ARFRP1: variants seen among roughly 807,000 people sequenced by gnomAD.
The protein encoded by ARFRP1 is ARF related protein 1.
Under a neutral mutation model 30.3 loss-of-function variants are expected in ARFRP1, and 19 were observed. The observed-to-expected ratio is 0.63, with a 90% CI of 0.44 to 0.92. ARFRP1 has a LOEUF of 0.92. Ranked by LOEUF, ARFRP1 falls within the 40% of genes least tolerant of loss-of-function variation. The pLI is 0.00. For synonymous variants in ARFRP1, 133 were observed against 114.2 expected (o/e 1.16, Z -1.05); for missense variants, 245 against 267.5 (o/e 0.92, Z 0.59).
chr20:63,702,048 CTG>C, intron 5 of ARFRP1, 86 bp downstream of exon 5: 3 of 1,221,604 alleles, frequency 2.5e-6, no homozygotes, highest in Non-Finnish European at 3.5e-6. Flanking sequence ...TGACCAGACA[CTG>C]AGCCTGCCCC....
chr20:63,704,298 G>A (rs2091351954), intron 4 of ARFRP1: 1 of 152,300 alleles, frequency 6.6e-6, no homozygotes, highest in Non-Finnish European at 1.5e-5. Context: ...CCAGCTCTGA[G>A]CTCAGCAGGG....
chr20:63,702,039 GACCAGACACTGA>G (rs2091239923), intron 5 of ARFRP1, 85 bp downstream of exon 5: 17 of 974,724 alleles, frequency 1.7e-5, no homozygotes, highest in Non-Finnish European at 2.5e-5. Context: ...GAGCACTTCT[GACCAGACACTGA>G]GCCTGCCCCA....
intron 3 of ARFRP1, 23 bp downstream of exon 3, chr20:63,706,628 C>T: frequency 6.3e-7 from 1 of 1,585,842 alleles, no homozygotes; most frequent in Non-Finnish European, 8.7e-7. Flanking sequence ...CCCAAACCCA[C>T]AGCCTGCTAT....
chr20:63,701,971 G>C, intron 5 of ARFRP1, 71 bp from the exon 6 acceptor site: 1 of 1,442,626 alleles, frequency 6.9e-7, no homozygotes, highest in African/African-American at 1.4e-5. Context: ...GCCCACAGGC[G>C]TGGACACTGT....
At chr20:63,700,555 G>A (rs370122442) in intron 7 of ARFRP1, 25 bp from the exon 8 acceptor site, 396 of 1,609,900 alleles carry the variant, frequency 2.5e-4, no homozygotes, top group South Asian at 3.0e-4. Context: ...GGTGTGAGGC[G>A]GGGGGTCTCG....
Position 63,707,213 on chromosome 20 carries a change from G to T in ARFRP1, c.-6-116C>A. 3.5e-6 allele frequency: 3 copies of T among 853,748 alleles called. No homozygotes were observed. In the South Asian group the frequency reaches 4.9e-5, roughly 14 times the overall value. 52.9% of individuals were successfully genotyped at this position (853,748 alleles called of 1,614,324 possible). On this transcript the variant is annotated intron_variant, in intron 1 of 7. Transcript: ENST00000622789. ...GCCGACCGCTCAGGACGAGAGCCTG[G>T]GGGCCATTCCCGACTCCTCGTCCCT...
chr20:63,707,165 T>C (rs2091521253), intron 1 of ARFRP1, 68 bp from the exon 2 acceptor site: 3 of 1,401,512 alleles, frequency 2.1e-6, no homozygotes, highest in Non-Finnish European at 2.9e-6. Context: ...TTCTCCACGG[T>C]GGTCAGTGGC....
Position 63,699,324 on chromosome 20 carries a change from C to T in ARFRP1, c.*1119G>A, listed in dbSNP as rs551615150. ...GCCACCCCCACCCTGACTCATGCCC[C>T]TTCCCAGCAGCTCCTCCCAGGACCC... On this transcript the variant is annotated 3_prime_UTR_variant, in exon 8 of 8. Coordinates refer to ENST00000622789, the MANE Select transcript of ARFRP1 (RefSeq NM_001267547.3). The T allele has an allele frequency of 2.0e-5, 3 of 152,432 alleles. No homozygotes were observed. The highest frequency in any genetic ancestry group is 1.3e-4 in the Admixed American group (2 of 15,310). The allele number at this position is 152,432 out of a possible 1,614,324, so 9.4% of individuals were successfully genotyped here.
At chr20:63,703,771 C>T (rs1258172600) in intron 4 of ARFRP1, 1 of 152,374 alleles carries the variant, frequency 6.6e-6, no homozygotes, top group African/African-American at 2.4e-5. Context: ...CCAGAGCCAC[C>T]CATCACACCT....
In ARFRP1 at chr20:63,701,632, C is replaced by G. The variant is rs1200584838; in HGVS notation, c.417+198G>C. Reference sequence around the variant, plus strand: ...GGGCGCCTGCCCTGAGGTGGGAGAACCTCCAGGGCTGGCAGCAGCAGGTCT... The same window carrying G: ...GGGCGCCTGCCCTGAGGTGGGAGAAGCTCCAGGGCTGGCAGCAGCAGGTCT... On this transcript the variant is annotated intron_variant, in intron 6 of 7. Transcript: ENST00000622789. 5.0e-6 allele frequency: 3 copies of G among 605,854 alleles called. No individual in the cohort carries two copies. In the Admixed American group the frequency reaches 8.8e-5, roughly 18 times the overall value. The allele number at this position is 605,854 out of a possible 1,614,324, so 37.5% of individuals were successfully genotyped here. A position where few individuals can be genotyped will look rare whatever the true frequency, so the allele number is the denominator to read the frequency against.
In ARFRP1 at chr20:63,706,386, G is replaced by T. The variant is rs755488304; in HGVS notation, c.235C>A (p.Gln79Lys). The part of the protein sequence containing the change: ...ARLMFWDLGG[Q>K]EELQSLWDKY... The stretch of plus-strand genomic sequence containing the variant: ...TCCCACAAAGACTGCAGCTCTTCCT[G>T]CCCTCCTAAGTCCCAGAACATGAGC... Residue 79 changes from glutamine to lysine, a missense_variant, in exon 4 of 8, where the codon CAG (glutamine) becomes AAG (lysine). Physicochemically the swap from Gln to Lys is moderately conservative, Grantham distance 53. Coordinates refer to ENST00000622789, the MANE Select transcript of ARFRP1 (RefSeq NM_001267547.3). 1.2e-6 allele frequency: 2 copies of T among 1,613,392 alleles called. No homozygotes were observed. The highest frequency in any genetic ancestry group is 2.2e-5 in the East Asian group (1 of 44,868).
At chr20:63,707,335 G>A in intron 1 of ARFRP1, 1 of 491,604 alleles carries the variant, frequency 2.0e-6, no homozygotes, top group Non-Finnish European at 3.7e-6. Context: ...CATCGGTTCC[G>A]GCCCCTCCCC....
chr20:63,701,725 G>A (rs548492524), intron 6 of ARFRP1, 105 bp downstream of exon 6: 3 of 1,055,590 alleles, frequency 2.8e-6, no homozygotes, highest in Admixed American at 4.1e-5. Flanking sequence ...TGTACCCCCT[G>A]GGCAGTCACT....
At chr20:63,700,822 G>A (rs1187710448) in intron 6 of ARFRP1, 120 bp from the exon 7 acceptor site, 8 of 1,349,886 alleles carry the variant, frequency 5.9e-6, no homozygotes, top group Non-Finnish European at 7.0e-6. Flanking sequence ...AGCTCCACCA[G>A]GGTCCCAGTG....
At chr20:63,701,238 G>A (rs1005190446) in intron 6 of ARFRP1, 8 of 531,064 alleles carry the variant, frequency 1.5e-5, no homozygotes, top group Admixed American at 7.8e-5. Flanking sequence ...CAGCCTTACA[G>A]GCTGGGGGCA....
intron 6 of ARFRP1, chr20:63,701,384 CAG>C: frequency 3.7e-6 from 2 of 539,098 alleles, no homozygotes; most frequent in Non-Finnish European, 3.8e-6. Flanking sequence ...AGTGGCACCT[CAG>C]AGGGGTCTTG....
chr20:63,700,337 C>T lies in ARFRP1; in HGVS notation c.*106G>A, dbSNP rs940060192. 3.3e-6 allele frequency: 5 copies of T among 1,505,218 alleles called. No homozygotes were observed. The highest frequency in any genetic ancestry group is 4.5e-6 in the Non-Finnish European group (5 of 1,111,376). 93.2% of individuals were successfully genotyped at this position (1,505,218 alleles called of 1,614,324 possible). A position where few individuals can be genotyped will look rare whatever the true frequency, so the allele number is the denominator to read the frequency against. ...AGAAAACAAAGTAAATAGAAGAACC[C>T]CAAAGCAAAGCAAACCCACCCCCCA... On this transcript the variant is annotated 3_prime_UTR_variant, in exon 8 of 8. Coordinates refer to ENST00000622789, the MANE Select transcript of ARFRP1 (RefSeq NM_001267547.3).
chr20:63,698,688 G>A lies in ARFRP1; in HGVS notation c.*1755C>T. The A allele has an allele frequency of 2.5e-6, 3 of 1,207,814 alleles. No individual in the cohort carries two copies. Among genetic ancestry groups the A allele is most frequent in the South Asian group, 2.0e-5 (1 of 50,990 alleles). 74.8% of individuals were successfully genotyped at this position (1,207,814 alleles called of 1,614,324 possible). A position where few individuals can be genotyped will look rare whatever the true frequency, so the allele number is the denominator to read the frequency against. ...TTTATAAAGCTTTTTCATAAAACTG[G>A]TTGTAGTTGCACAGCTACTGGGAGG... On this transcript the variant is annotated 3_prime_UTR_variant, in exon 8 of 8. Transcript: ENST00000622789.
chr20:63,706,862 G>A (rs2091497766), intron 2 of ARFRP1, 124 bp from the exon 3 acceptor site: 11 of 1,258,078 alleles, frequency 8.7e-6, no homozygotes, highest in Admixed American at 5.3e-5. Context: ...CTCTTCAGGA[G>A]GCTGGTGGTG....
Sources: allele counts gnomAD v4.1 joint callset, GRCh38; gene constraint gnomAD v4.1.1; transcripts MANE v1.5; gene names NCBI Gene and HGNC (gene_info 2026-07-23, HGNC 2026-07-21).